PCDH15: variants seen among roughly 807,000 people sequenced by gnomAD.
The protein encoded by PCDH15 is protocadherin related 15.
A neutral mutation model predicts 178.5 loss-of-function variants in PCDH15; 129 were observed. The ratio of observed to expected loss-of-function variants is 0.72; its 90% CI spans 0.63 to 0.84. PCDH15 has a LOEUF of 0.84. PCDH15 is among the 40% of genes least tolerant of loss of function. The probability of loss-of-function intolerance (pLI) is 0.00; values close to 1 mark genes in which losing one functional copy is unlikely to be tolerated. For synonymous variants in PCDH15, 800 were observed against 732.0 expected, an observed-to-expected ratio of 1.09 and a Z score of -1.50; for missense variants, 2,230 against 2,099.9, an observed-to-expected ratio of 1.06 and a Z score of -1.21.
intron 2 of PCDH15, among the ~76,000 whole-genome samples, chr10:55,337,183 GATAA>G (rs1352313834): frequency 2.0e-5 from 3 of 152,162 alleles, no homozygotes; most frequent in Admixed American, 6.6e-5. Context: ...AATCTCAGAT[GATAA>G]AATGAAAAAT....
At chr10:54,278,012 G>T (rs1330211592) in intron 8 of PCDH15, among the ~76,000 whole-genome samples, 2 of 151,512 alleles carry the variant, frequency 1.3e-5, no homozygotes, top group East Asian at 3.9e-4. Flanking sequence ...CTACATCTTT[G>T]AATTCAGGAG....
chr10:53,845,600 T>C (rs2077920247), intron 28 of PCDH15, among the ~76,000 whole-genome samples: 1 of 151,842 alleles, frequency 6.6e-6, no homozygotes. Context: ...TGAAGGTTAT[T>C]ATGTAAAGTG....
At chr10:54,247,931 A>G (rs1275315774) in intron 8 of PCDH15, among the ~76,000 whole-genome samples, 1 of 138,626 alleles carries the variant, frequency 7.2e-6, no homozygotes, top group East Asian at 2.0e-4. Context: ...AGGATGCATG[A>G]AAGAATATAT....
chr10:54,080,616 A>C (rs10825219), intron 16 of PCDH15, among the ~76,000 whole-genome samples: 10,417 of 152,244 alleles, frequency 0.068, 475 homozygotes, highest in East Asian at 0.24. Flanking sequence ...GAGTACAGAG[A>C]GTCAAAGCCG....
At chr10:54,757,651 G>A (rs1342277494) in intron 1 of PCDH15, among the ~76,000 whole-genome samples, 1 of 152,060 alleles carries the variant, frequency 6.6e-6, no homozygotes, top group Non-Finnish European at 1.5e-5. Flanking sequence ...GGTAGTCACA[G>A]TGCTATGCCC....
chr10:55,500,555 G>T (rs1445170977), intron 2 of PCDH15, among the ~76,000 whole-genome samples: 1 of 151,710 alleles, frequency 6.6e-6, no homozygotes, highest in African/African-American at 2.4e-5. Context: ...TACTAATTCA[G>T]TGGGACTAGA....
chr10:55,066,253 T>C (rs1277383809), intron 2 of PCDH15, among the ~76,000 whole-genome samples: 1 of 151,520 alleles, frequency 6.6e-6, no homozygotes, highest in East Asian at 1.9e-4. Context: ...TTTTAATTTT[T>C]AATAAAAGAA....
At chr10:54,246,342 C>G (rs1564780128) in intron 8 of PCDH15, among the ~76,000 whole-genome samples, 1 of 151,798 alleles carries the variant, frequency 6.6e-6, no homozygotes, top group Non-Finnish European at 1.5e-5. Context: ...TACTTCCATC[C>G]TAGAGATGGC....
At chr10:53,927,030 CA>C (rs1353689233) in intron 25 of PCDH15, among the ~76,000 whole-genome samples, 10 of 151,602 alleles carry the variant, frequency 6.6e-5, no homozygotes. Context: ...GGCCATGTGA[CA>C]AAAAAACAGA....
rs4007204 is a variant in PCDH15, at chr10:54,823,226, C to CAT, written c.-29+74223_-29+74224insAT. 9.6e-3 allele frequency among the ~76,000 whole-genome samples: 948 copies of CAT among 98,884 alleles called. 6 individuals carry two copies. The highest frequency in any genetic ancestry group is 0.025 in the African/African-American group (711 of 28,678). The allele number at this position is 98,884 out of a possible 152,430, so 64.9% of individuals were successfully genotyped here. A position where few individuals can be genotyped will look rare whatever the true frequency, so the allele number is the denominator to read the frequency against. On this transcript the variant is annotated intron_variant, in intron 3 of 5. Transcript: ENST00000458638. ...GCATAAACACACACACACACACACACGCACACGCACACGCACACGCATATA... is the reference window on the plus strand; with the variant it reads ...GCATAAACACACACACACACACACACATGCACACGCACACGCACACGCATATA...
At chr10:54,320,370 CCTT>C (rs1366621489) in intron 7 of PCDH15, among the ~76,000 whole-genome samples, 5 of 151,968 alleles carry the variant, frequency 3.3e-5, no homozygotes, top group Non-Finnish European at 7.4e-5. Flanking sequence ...AATATATACA[CCTT>C]CTTCTTTAGC....
At chr10:55,064,967 T>A (rs897473422) in intron 2 of PCDH15, among the ~76,000 whole-genome samples, 9 of 152,072 alleles carry the variant, frequency 5.9e-5, no homozygotes. Flanking sequence ...TGAGATGTTA[T>A]TTTTCTTTAT....
intron 9 of PCDH15, among the ~76,000 whole-genome samples, chr10:54,220,034 G>C (rs1422068140): frequency 6.6e-6 from 1 of 152,040 alleles, no homozygotes; most frequent in Admixed American, 6.6e-5. Context: ...TTTTAAATAA[G>C]AGTTTTCAAA....
chr10:54,832,814 T>C (rs996422146), intron 3 of PCDH15, among the ~76,000 whole-genome samples: 19 of 152,156 alleles, frequency 1.2e-4, no homozygotes, highest in African/African-American at 3.6e-4. Flanking sequence ...TTAGGAGTGT[T>C]ATGAATGATG....
intron 2 of PCDH15, among the ~76,000 whole-genome samples, chr10:55,051,867 G>C (rs1171963280): frequency 6.6e-6 from 1 of 152,018 alleles, no homozygotes; most frequent in African/African-American, 2.4e-5. Context: ...AGAATACTTG[G>C]GCTCCAGTGC....
intron 3 of PCDH15, among the ~76,000 whole-genome samples, chr10:54,436,119 GAAAGAAAGAAAGAA>G (rs1165624065): frequency 6.9e-6 from 1 of 145,762 alleles, no homozygotes; most frequent in Non-Finnish European, 1.5e-5. Flanking sequence ...AGGAAAGAAG[GAAAGAAAGAAAGAA>G]AAAGAAAGAA....
At chr10:53,928,813 T>A (rs995423991) in intron 25 of PCDH15, among the ~76,000 whole-genome samples, 1 of 152,020 alleles carries the variant, frequency 6.6e-6, no homozygotes, top group Non-Finnish European at 1.5e-5. Flanking sequence ...TGGCATTCAA[T>A]GAATGGCATT....
intron 6 of PCDH15, among the ~76,000 whole-genome samples, chr10:54,333,106 C>T (rs1049963708): frequency 1.3e-5 from 2 of 151,954 alleles, no homozygotes; most frequent in Non-Finnish European, 2.9e-5. Flanking sequence ...CCACATCTGG[C>T]TAATTTTTAT....
chr10:55,517,580 A>G (rs547642040), intron 2 of PCDH15, among the ~76,000 whole-genome samples: 1 of 152,314 alleles, frequency 6.6e-6, no homozygotes, highest in Non-Finnish European at 1.5e-5. Context: ...GGCCAAATAA[A>G]GAGAATAGTG....
Sources: allele counts gnomAD v4.1 joint callset (sites outside exome capture counted in the v4.1 genomes callset), GRCh38; gene constraint gnomAD v4.1.1; transcripts MANE v1.5; gene names NCBI Gene and HGNC (gene_info 2026-07-23, HGNC 2026-07-21).